NELL1: variants seen among roughly 807,000 people sequenced by gnomAD.
NELL1 encodes the protein neural EGFL like 1, also known as protein kinase C-binding protein NELL1.
In NELL1, 76 loss-of-function variants were observed where a neutral mutation model predicts 107.4. That is an observed-to-expected ratio of 0.71 (90% CI 0.59 to 0.86). NELL1 has a LOEUF of 0.86. Ranked by LOEUF, NELL1 falls within the 40% of genes least tolerant of loss-of-function variation. The pLI is 0.00. For missense variants in NELL1, 1,024 were observed against 1,005.5 expected, an observed-to-expected ratio of 1.02 and a Z score of -0.25; for synonymous variants, 353 against 341.2, an observed-to-expected ratio of 1.03 and a Z score of -0.38.
chr11:20,762,089 C>T (rs778265282), intron 2 of NELL1, among the ~76,000 whole-genome samples: 4 of 152,176 alleles, frequency 2.6e-5, no homozygotes, highest in Non-Finnish European at 4.4e-5. Context: ...GACCATGTCT[C>T]TTAGAGTCAA....
intron 5 of NELL1, among the ~76,000 whole-genome samples, chr11:20,915,663 G>A (rs1850228237): frequency 8.3e-6 from 1 of 120,510 alleles, no homozygotes; most frequent in South Asian, 2.8e-4. Context: ...TTGTAGTGCT[G>A]AAAGGCACAT....
chr11:21,551,161 A>G (rs1375135239), intron 16 of NELL1, among the ~76,000 whole-genome samples: 3 of 150,658 alleles, frequency 2.0e-5, no homozygotes, highest in East Asian at 2.0e-4. Flanking sequence ...TTGGTGTATA[A>G]GAATGCTTGT....
chr11:20,941,322 AG>A (rs1308907388), intron 10 of NELL1, among the ~76,000 whole-genome samples: 1 of 152,076 alleles, frequency 6.6e-6, no homozygotes, highest in East Asian at 1.9e-4. Context: ...TTCCCTCTGG[AG>A]GATAAGAGGG....
intron 15 of NELL1, among the ~76,000 whole-genome samples, chr11:21,467,703 G>T (rs1482981382): frequency 6.6e-6 from 1 of 151,958 alleles, no homozygotes; most frequent in African/African-American, 2.4e-5. Context: ...TATATAGGAA[G>T]TTTATATTAA....
chr11:21,476,891 T>C (rs949329475), intron 15 of NELL1, among the ~76,000 whole-genome samples: 1 of 152,164 alleles, frequency 6.6e-6, no homozygotes, highest in African/African-American at 2.4e-5. Context: ...CTGGTGTTCA[T>C]GGAGGGAACA....
chr11:21,456,889 G>A (rs1853758669), intron 15 of NELL1, among the ~76,000 whole-genome samples: 1 of 21,608 alleles, frequency 4.6e-5, no homozygotes. Flanking sequence ...GTTTATAAAT[G>A]AGGTGTTTTT....
intron 15 of NELL1, among the ~76,000 whole-genome samples, chr11:21,394,868 T>C (rs1450102484): frequency 2.3e-4 from 35 of 151,534 alleles, no homozygotes; most frequent in Admixed American, 2.3e-3. Flanking sequence ...AAAATCTTTA[T>C]ATTTGTCCAC....
chr11:21,238,144 A>G (rs1162252616), intron 14 of NELL1, among the ~76,000 whole-genome samples: 1 of 152,040 alleles, frequency 6.6e-6, no homozygotes, highest in African/African-American at 2.4e-5. Flanking sequence ...TGGGATTACC[A>G]TTGACCAGGT....
intron 14 of NELL1, among the ~76,000 whole-genome samples, chr11:21,326,846 G>T (rs1027613153): frequency 1.3e-5 from 2 of 151,426 alleles, no homozygotes; most frequent in South Asian, 2.1e-4. Context: ...TCTTATGATT[G>T]GATGGTTAAT....
intron 15 of NELL1, among the ~76,000 whole-genome samples, chr11:21,377,852 T>G (rs1053051861): frequency 2.0e-5 from 3 of 152,058 alleles, no homozygotes; most frequent in Non-Finnish European, 2.9e-5. Context: ...CCTGTGCGGA[T>G]CTTTTGTATT....
chr11:20,814,148 G>GCA (rs746618600), intron 3 of NELL1, among the ~76,000 whole-genome samples: 1 of 6,038 alleles, frequency 1.7e-4, no homozygotes. Context: ...GGCGCACACC[G>GCA]CCACGCCCGG....
chr11:21,499,009 T>TTA (rs1424664906), intron 15 of NELL1, among the ~76,000 whole-genome samples: 4 of 152,086 alleles, frequency 2.6e-5, no homozygotes, highest in African/African-American at 9.7e-5. Context: ...ATTACAGAGT[T>TTA]TATAATTAGA....
At chr11:21,428,842 AGT>A (rs1280459239) in intron 15 of NELL1, among the ~76,000 whole-genome samples, 5 of 152,228 alleles carry the variant, frequency 3.3e-5, no homozygotes, top group African/African-American at 1.2e-4. Context: ...AGTTCTGGAA[AGT>A]GTGAAAGGCA....
At chr11:21,326,147 C>A (rs529848493) in intron 14 of NELL1, among the ~76,000 whole-genome samples, 2 of 83,782 alleles carry the variant, frequency 2.4e-5, no homozygotes, top group Non-Finnish European at 5.0e-5. Context: ...TTTATATCTA[C>A]CATTTTGCTA....
intron 15 of NELL1, among the ~76,000 whole-genome samples, chr11:21,416,055 C>G (rs983657564): frequency 3.9e-5 from 6 of 151,962 alleles, no homozygotes; most frequent in Admixed American, 3.9e-4. Flanking sequence ...CTCCTGGAGG[C>G]CCTGCTGCTG....
At chr11:20,930,569 T>A (rs1018984356) in intron 9 of NELL1, among the ~76,000 whole-genome samples, 1 of 152,154 alleles carries the variant, frequency 6.6e-6, no homozygotes, top group Non-Finnish European at 1.5e-5. Context: ...TTTTTGTATA[T>A]TTTTGTATTT....
chr11:21,116,376 T>C (rs1855236275), intron 13 of NELL1, among the ~76,000 whole-genome samples: 1 of 152,010 alleles, frequency 6.6e-6, no homozygotes. Flanking sequence ...AGGTTCTTTT[T>C]AGATGCCTTC....
chr11:21,344,977 AAACT>A (rs1850654336), intron 14 of NELL1, among the ~76,000 whole-genome samples: 1 of 152,226 alleles, frequency 6.6e-6, no homozygotes, highest in Non-Finnish European at 1.5e-5. Context: ...AATGCACAAT[AAACT>A]AACTGCTTTA....
At chr11:21,450,168 A>C (rs2133856650) in intron 15 of NELL1, among the ~76,000 whole-genome samples, 1 of 152,330 alleles carries the variant, frequency 6.6e-6, no homozygotes, top group South Asian at 2.1e-4. Flanking sequence ...TTGTTCATTC[A>C]TTTTTACAAA....
Sources: gnomAD v4.1 joint callset for allele counts (sites outside exome capture counted in the v4.1 genomes callset) on GRCh38, gnomAD v4.1.1 for gene constraint, MANE v1.5 for transcripts, NCBI Gene and HGNC (gene_info 2026-07-23, HGNC 2026-07-21) for gene names.